The following SORCS2 variants were observed in gnomAD, a reference collection of about 807,000 sequenced individuals.
SORCS2 encodes VPS10 domain-containing receptor SorCS2.
Under a neutral mutation model 141.6 loss-of-function variants are expected in SORCS2, and 100 were observed. The ratio of observed to expected loss-of-function variants is 0.71; its 90% CI spans 0.60 to 0.83. The LOEUF is 0.83. SORCS2 is among the 40% of genes least tolerant of loss of function. The pLI is 0.00. For synonymous variants in SORCS2, 789 were observed against 676.9 expected, an observed-to-expected ratio of 1.17 and a Z score of -2.57; for missense variants, 1,646 against 1,560.2, an observed-to-expected ratio of 1.05 and a Z score of -0.93.
At chr4:7,712,899 C>A (rs1318616950) in intron 15 of SORCS2, 46 bp downstream of exon 15, 4 of 1,605,026 alleles carry the variant, frequency 2.5e-6, no homozygotes, top group Non-Finnish European at 3.4e-6. Flanking sequence ...GTACAGACTG[C>A]AAACACAGGC....
chr4:7,675,984 GCTT>G (rs1320547665), intron 8 of SORCS2, 63 bp from the exon 9 acceptor site: 4 of 1,524,050 alleles, frequency 2.6e-6, no homozygotes, highest in Non-Finnish European at 3.5e-6. Flanking sequence ...TGTGCAGCCT[GCTT>G]CTTCCTCCCT....
chr4:7,664,439 C>T lies in SORCS2; in HGVS notation c.1039C>T (p.Leu347=). The change falls in exon 7 of 27, where the codon CTG becomes TTG. Residue 347 remains leucine, a synonymous_variant. Coordinates refer to ENST00000507866, the MANE Select transcript of SORCS2 (RefSeq NM_020777.3). The surrounding 1 kb of genome is among the most constrained non-coding windows in gnomAD (Gnocchi z 4.7). ...PFAGPIDHGS[L]TVQDDYIFFK... ...CGCAGGCCCCATTGACCACGGGTCT[C>T]TGACCGTGCAGGACGATTACATCTT... 1 of 1,613,926 alleles carries T rather than the reference C, an allele frequency of 6.2e-7. No individual in the cohort carries two copies. The highest frequency in any genetic ancestry group is 1.7e-4 in the Middle Eastern group (1 of 6,060).
intron 2 of SORCS2, among the ~76,000 whole-genome samples, chr4:7,445,462 A>C (rs1443448865): frequency 6.6e-6 from 1 of 152,110 alleles, no homozygotes; most frequent in African/African-American, 2.4e-5. Flanking sequence ...AATTTGGGTG[A>C]TTTTGAATCA....
At chr4:7,300,147 A>G (rs1717340834) in intron 1 of SORCS2, among the ~76,000 whole-genome samples, 1 of 152,140 alleles carries the variant, frequency 6.6e-6, no homozygotes, top group African/African-American at 2.4e-5. Context: ...GATAAGTGGG[A>G]GATGCAGGAG....
chr4:7,555,792 G>A (rs1714061702), intron 3 of SORCS2, among the ~76,000 whole-genome samples: 1 of 152,212 alleles, frequency 6.6e-6, no homozygotes, highest in South Asian at 2.1e-4. Flanking sequence ...GAAGGTAAGA[G>A]CTACATAGGT....
intron 1 of SORCS2, among the ~76,000 whole-genome samples, chr4:7,320,968 G>C: frequency 6.6e-6 from 1 of 150,980 alleles, no homozygotes; most frequent in East Asian, 1.9e-4. Flanking sequence ...AGCTTTTGGG[G>C]GTATAAGTGG....
At position 7,201,922 on chromosome 4, in the gene SORCS2, C is replaced by G. The variant is rs138859252; in HGVS notation, c.480+8796C>G. Among the ~76,000 whole-genome samples the G allele has an allele frequency of 1.3e-5, 2 of 152,068 alleles. No individual in the cohort carries two copies. The highest frequency in any genetic ancestry group is 4.8e-5 in the African/African-American group (2 of 41,408). On this transcript the variant is annotated intron_variant, in intron 1 of 26. Coordinates refer to ENST00000507866, the MANE Select transcript of SORCS2 (RefSeq NM_020777.3). The surrounding 1 kb of genome is among the most constrained non-coding windows in gnomAD (Gnocchi z 4.4). ...CTGGCCACCGGGAGGGCAAGGTCTC[C>G]GTCTGTAGCTTTGGAAAGGTGAAGG...
intron 8 of SORCS2, among the ~76,000 whole-genome samples, chr4:7,674,557 G>A (rs1275872508): frequency 2.2e-5 from 3 of 135,666 alleles, no homozygotes; most frequent in Admixed American, 1.6e-4. Flanking sequence ...CTGGGCGACA[G>A]AGCGAGACTC....
At chr4:7,603,993 C>T (rs929628116) in intron 3 of SORCS2, among the ~76,000 whole-genome samples, 10 of 151,922 alleles carry the variant, frequency 6.6e-5, no homozygotes, top group South Asian at 4.2e-4. Flanking sequence ...GACTATGTTG[C>T]GTGTGACTCT....
chr4:7,603,588 C>T (rs946172303), intron 3 of SORCS2, among the ~76,000 whole-genome samples: 1 of 152,066 alleles, frequency 6.6e-6, no homozygotes, highest in African/African-American at 2.4e-5. Flanking sequence ...TTATTCTCAC[C>T]TTTATTTCTT....
intron 2 of SORCS2, among the ~76,000 whole-genome samples, chr4:7,511,315 G>A (rs1732626239): frequency 6.7e-6 from 1 of 149,506 alleles, no homozygotes; most frequent in African/African-American, 2.5e-5. Flanking sequence ...TGGGAGGGGA[G>A]ACACACACAA....
intron 2 of SORCS2, among the ~76,000 whole-genome samples, chr4:7,524,695 G>A (rs1373047607): frequency 3.9e-5 from 6 of 151,902 alleles, no homozygotes; most frequent in African/African-American, 7.3e-5. Flanking sequence ...AGTGGGGTGC[G>A]GCAGTGCCTC....
At chr4:7,436,840 G>A (rs1361686390) in intron 2 of SORCS2, among the ~76,000 whole-genome samples, 1 of 152,216 alleles carries the variant, frequency 6.6e-6, no homozygotes, top group Non-Finnish European at 1.5e-5. Flanking sequence ...TGTCTTGGAT[G>A]CACACGTGTC....
intron 3 of SORCS2, among the ~76,000 whole-genome samples, chr4:7,615,118 C>T (rs1361954405): frequency 1.3e-5 from 2 of 152,256 alleles, no homozygotes; most frequent in African/African-American, 4.8e-5. Flanking sequence ...CCATTGTCCT[C>T]CATCTGTTCA....
chr4:7,674,805 G>GA (rs113543508), intron 8 of SORCS2, among the ~76,000 whole-genome samples: 3,133 of 112,488 alleles, frequency 0.028, 106 homozygotes, highest in African/African-American at 0.077. Flanking sequence ...TTATTGTACA[G>GA]AAAAAAAAAA....
chr4:7,554,425 G>T (rs774586348), intron 3 of SORCS2, among the ~76,000 whole-genome samples: 1 of 152,138 alleles, frequency 6.6e-6, no homozygotes, highest in Non-Finnish European at 1.5e-5. Context: ...TCCTCTTCCT[G>T]CTCCCATGTC....
intron 1 of SORCS2, among the ~76,000 whole-genome samples, chr4:7,386,108 T>C (rs200686234): frequency 2.0e-5 from 3 of 151,024 alleles, no homozygotes; most frequent in East Asian, 2.0e-4. Context: ...CACACACACA[T>C]GGACATACAC....
chr4:7,552,461 A>G (rs1431214578), intron 3 of SORCS2, among the ~76,000 whole-genome samples: 1 of 152,116 alleles, frequency 6.6e-6, no homozygotes, highest in African/African-American at 2.4e-5. Flanking sequence ...CTCTGACAAA[A>G]AAGCACTGGC....
At chr4:7,406,707 T>C (rs1185172717) in intron 2 of SORCS2, among the ~76,000 whole-genome samples, 1 of 152,014 alleles carries the variant, frequency 6.6e-6, no homozygotes, top group Non-Finnish European at 1.5e-5. Flanking sequence ...TTCTGTATAG[T>C]TTGGTAGTCT....
Sources: gnomAD v4.1 joint callset for allele counts (sites outside exome capture counted in the v4.1 genomes callset) on GRCh38, gnomAD v4.1.1 for gene constraint, Gnocchi (gnomAD v3.1) non-coding constraint, MANE v1.5 for transcripts, NCBI Gene and HGNC (gene_info 2026-07-23, HGNC 2026-07-21) for gene names.